DYNC2I1: variants seen among roughly 807,000 people sequenced by gnomAD.
The protein encoded by DYNC2I1 is dynein 2 intermediate chain 1, also known as cytoplasmic dynein 2 intermediate chain 1.
In DYNC2I1, 89 loss-of-function variants were observed where a neutral mutation model predicts 133.4. The observed-to-expected ratio is 0.67, with a 90% CI of 0.56 to 0.80. The LOEUF is 0.80. Ranked by LOEUF, DYNC2I1 falls within the 30% of genes least tolerant of loss-of-function variation. DYNC2I1 has a pLI of 0.00. For missense variants in DYNC2I1, 1,291 were observed against 1,314.5 expected, an observed-to-expected ratio of 0.98 and a Z score of 0.28; for synonymous variants, 504 against 484.3, an observed-to-expected ratio of 1.04 and a Z score of -0.54.
intron 23 of DYNC2I1, among the ~76,000 whole-genome samples, chr7:158,939,540 G>A (rs986172751): frequency 5.3e-5 from 8 of 151,860 alleles, no homozygotes; most frequent in Non-Finnish European, 1.0e-4. Context: ...AGAGAAGGAA[G>A]ACAGGCAGAA....
chr7:158,849,986 T>C, the DYNC2I1 span, among the ~76,000 whole-genome samples: 27 of 152,304 alleles, frequency 1.8e-4, no homozygotes, highest in Non-Finnish European at 3.8e-4. Context: ...GCCTGGCCCT[T>C]TTGCCCAGGA....
chr7:158,894,017 G>A (rs906466312), intron 8 of DYNC2I1, among the ~76,000 whole-genome samples: 2 of 150,552 alleles, frequency 1.3e-5, no homozygotes, highest in African/African-American at 4.9e-5. Flanking sequence ...ATATCATAGT[G>A]CATATCCTAC....
At chr7:158,914,911 T>G (rs1469471023) in intron 14 of DYNC2I1, among the ~76,000 whole-genome samples, 1 of 152,140 alleles carries the variant, frequency 6.6e-6, no homozygotes. Flanking sequence ...TCTAAAAGAG[T>G]AATTAGTAAT....
chr7:158,926,154 T>TA, intron 17 of DYNC2I1, 33 bp from the exon 18 acceptor site: 1 of 1,533,958 alleles, frequency 6.5e-7, no homozygotes, highest in East Asian at 2.3e-5. Context: ...ACTTACTACT[T>TA]ACACGTGGAT....
At chr7:158,849,632 T>TGGAGAAGGCAGCTCCGCTCTGCAGCTG in the DYNC2I1 span, among the ~76,000 whole-genome samples, 1 of 152,328 alleles carries the variant, frequency 6.6e-6, no homozygotes, top group East Asian at 1.9e-4. Flanking sequence ...GAGGAGGCCC[T>TGGAGAAGGCAGCTCCGCTCTGCAGCTG]GGAGAAGGCA....
At chr7:158,904,889 T>TG in intron 10 of DYNC2I1, 1 of 265,236 alleles carries the variant, frequency 3.8e-6, no homozygotes, top group South Asian at 3.8e-5. Context: ...GAAGATCAGA[T>TG]GAGATAATGT....
chr7:158,955,546 GA>G (rs1317945237), intron 4 of DYNC2I1, among the ~76,000 whole-genome samples: 1 of 152,266 alleles, frequency 6.6e-6, no homozygotes, highest in Non-Finnish European at 1.5e-5. Context: ...CTTATGAGCA[GA>G]TTTTGTGCTA....
chr7:158,844,268 CCTCTCCT>C, the DYNC2I1 span, among the ~76,000 whole-genome samples: 1 of 152,162 alleles, frequency 6.6e-6, no homozygotes, highest in Non-Finnish European at 1.5e-5. Context: ...ACGTTTCTTT[CCTCTCCT>C]CTCTTGTGTT....
At position 158,926,995 on chromosome 7, in the gene DYNC2I1, G is replaced by A; in HGVS notation, c.2437G>A (p.Val813Ile). The A allele has an allele frequency of 6.2e-7, 1 of 1,601,362 alleles. No homozygotes were observed. The highest frequency in any genetic ancestry group is 8.5e-7 in the Non-Finnish European group (1 of 1,172,508). The change falls in exon 20 of 25, where the codon GTT becomes ATT. Residue 813 changes from valine to isoleucine, a missense_variant. Val to Ile is a conservative substitution (Grantham distance 29). Transcript: ENST00000407559. The stretch of plus-strand genomic sequence containing the variant: ...ATTTTCAATATTCTGTTTTTAGGTG[G>A]TTGTTGAATTACCAAAGGCAGACAT... Reference protein sequence around the residue: ...DESGVLNVWVVVELPKADIAG... With the variant: ...DESGVLNVWVIVELPKADIAG...
chr7:158,843,790 G>A, the DYNC2I1 span, among the ~76,000 whole-genome samples: 1 of 152,148 alleles, frequency 6.6e-6, no homozygotes, highest in Non-Finnish European at 1.5e-5. Flanking sequence ...TGAGGTTGAA[G>A]ACAAGCCAGG....
At chr7:158,893,499 T>C (rs73732416) in intron 8 of DYNC2I1, among the ~76,000 whole-genome samples, 1 of 152,306 alleles carries the variant, frequency 6.6e-6, no homozygotes, top group African/African-American at 2.4e-5. Flanking sequence ...ACAAAACCTA[T>C]TTTGTAATAA....
At position 158,871,156 on chromosome 7, in the gene DYNC2I1, TG is replaced by T; in HGVS notation, c.86del (p.Gly29ValfsTer76). On this transcript the variant is annotated frameshift_variant, in exon 3 of 25. Coordinates refer to ENST00000407559, the MANE Select transcript of DYNC2I1 (RefSeq NM_018051.5). LOFTEE classifies it high-confidence loss of function. Reference protein sequence around the residue: ...RKHLWAIQSGGSKEERKHREK... With the variant: ...RKHLWAIQSGXSKEERKHREK... ...TCTTGTTTCAGGCCATACAGTCAGG[TG>T]GTTCCAAGGAAGAAAGAAAGCACAG... The T allele has an allele frequency of 1.2e-6, 2 of 1,612,918 alleles. No individual in the cohort carries two copies. Among genetic ancestry groups the T allele is most frequent in the Non-Finnish European group, 1.7e-6 (2 of 1,179,388 alleles).
Position 158,887,025 on chromosome 7 carries a change from G to A in DYNC2I1, c.940G>A (p.Ala314Thr), listed in dbSNP as rs1159049627. ...TTGATTATGTTTGCTTTCCAGGCAT[G>A]CTGAGAATTTAGTAAGGAATCATGG... is the stretch of plus-strand genomic sequence containing the variant. ...SKRDGTSSQH[A>T]ENLVRNHGKD... The change falls in exon 7 of 25, where the codon GCT becomes ACT. Residue 314 changes from alanine (A) to threonine (T), a missense_variant. Physicochemically the swap from Ala to Thr is moderately conservative, Grantham distance 58 (BLOSUM62 0). Transcript: ENST00000407559. 1 of 1,613,896 alleles carries A rather than the reference G, an allele frequency of 6.2e-7. No individual in the cohort carries two copies. Among genetic ancestry groups the A allele is most frequent in the Admixed American group, 1.7e-5 (1 of 60,008 alleles).
At position 158,926,473 on chromosome 7, in the gene DYNC2I1, G is replaced by A. The variant is rs1486185153; in HGVS notation, c.2433+10G>A. On this transcript the variant is annotated intron_variant, in intron 19 of 24. Transcript: ENST00000407559. Reference sequence around the variant, plus strand: ...GGTTCTCAATGTATGGGTGAGTAGTGGCCCAGGCCGGGCACATGCGGGGCC... The same window carrying A: ...GGTTCTCAATGTATGGGTGAGTAGTAGCCCAGGCCGGGCACATGCGGGGCC... 6.2e-7 allele frequency: 1 copy of A among 1,611,734 alleles called. No homozygotes were observed. The highest frequency in any genetic ancestry group is 2.2e-5 in the East Asian group (1 of 44,860).
chr7:158,846,532 T>A, the DYNC2I1 span, among the ~76,000 whole-genome samples: 1 of 152,166 alleles, frequency 6.6e-6, no homozygotes, highest in Non-Finnish European at 1.5e-5. Context: ...TTTTTTAAAG[T>A]TAATTAAATT....
chr7:158,865,965 A>T (rs1842367638), intron 1 of DYNC2I1, among the ~76,000 whole-genome samples: 2 of 152,176 alleles, frequency 1.3e-5, no homozygotes, highest in Admixed American at 1.3e-4. Context: ...GCTCCAAAGT[A>T]GTCAGTATTC....
chr7:158,949,708 G>A (rs185115271), downstream of DYNC2I1, among the ~76,000 whole-genome samples: 24 of 152,330 alleles, frequency 1.6e-4, no homozygotes, highest in East Asian at 1.2e-3. Flanking sequence ...ATCAAAGGCC[G>A]GGAGAATGGG....
chr7:158,916,384 T>G (rs1235217481), intron 14 of DYNC2I1, among the ~76,000 whole-genome samples: 1 of 79,912 alleles, frequency 1.3e-5, no homozygotes. Context: ...TGGTTGACAT[T>G]AAGGATGATT....
the DYNC2I1 span, among the ~76,000 whole-genome samples, chr7:158,842,139 C>T: frequency 2.6e-5 from 4 of 152,220 alleles, no homozygotes; most frequent in East Asian, 7.7e-4. Flanking sequence ...AGCGATTCTC[C>T]TGCCTCAGCC....
Sources: gnomAD v4.1 joint callset for allele counts (sites outside exome capture counted in the v4.1 genomes callset) on GRCh38, gnomAD v4.1.1 for gene constraint, MANE v1.5 for transcripts, NCBI Gene and HGNC (gene_info 2026-07-23, HGNC 2026-07-21) for gene names.